AFF3: variants seen among roughly 807,000 people sequenced by gnomAD.
AFF3 encodes ALF transcription elongation factor 3, also known as AF4/FMR2 family member 3.
In AFF3, 32 loss-of-function variants were observed where a neutral mutation model predicts 129.7. The observed-to-expected ratio is 0.25, with a 90% confidence interval of 0.19 to 0.33. AFF3 has a LOEUF of 0.33. Among genes scored for constraint, AFF3 ranks in the 10% least tolerant of loss-of-function variants. The pLI is 1.00. For missense variants in AFF3, 1,373 were observed against 1,592.0 expected (o/e 0.86, Z 2.34); for synonymous variants, 644 against 635.4 (o/e 1.01, Z -0.20).
intron 4 of AFF3, among the ~76,000 whole-genome samples, chr2:100,052,995 T>C (rs78633727): frequency 0.16 from 24,699 of 152,162 alleles, 2,242 homozygotes; most frequent in East Asian, 0.29. Flanking sequence ...TGTGGGGAAA[T>C]GTGACAAGAG....
chr2:100,068,240 G>A (rs770772890), intron 4 of AFF3, among the ~76,000 whole-genome samples: 13 of 152,218 alleles, frequency 8.5e-5, no homozygotes, highest in Non-Finnish European at 1.5e-4. Context: ...ATTTAAATGT[G>A]TGTTATAAAC....
intron 10 of AFF3, among the ~76,000 whole-genome samples, chr2:99,740,795 C>T (rs952145326): frequency 6.6e-6 from 1 of 151,784 alleles, no homozygotes; most frequent in Non-Finnish European, 1.5e-5. Context: ...GTTTCTTTTG[C>T]TGTGCAGAAG....
chr2:100,073,635 C>A (rs990543667), intron 4 of AFF3, among the ~76,000 whole-genome samples: 1 of 152,310 alleles, frequency 6.6e-6, no homozygotes, highest in Non-Finnish European at 1.5e-5. Context: ...AAACACAGAG[C>A]ACCAAATAAC....
chr2:99,818,759 C>A (rs1687429470), intron 8 of AFF3, among the ~76,000 whole-genome samples: 1 of 152,126 alleles, frequency 6.6e-6, no homozygotes, highest in African/African-American at 2.4e-5. Flanking sequence ...ATTTTAAATT[C>A]TTTGTGAATT....
chr2:99,726,925 C>T, intron 11 of AFF3, 152 bp downstream of exon 11: 2 of 702,834 alleles, frequency 2.8e-6, no homozygotes, highest in East Asian at 3.0e-5. Flanking sequence ...TGCATCTGCA[C>T]CCAAAGCATT....
In AFF3 at chr2:99,952,969, G is replaced by A. The variant is rs142867741; in HGVS notation, c.873+53663C>T. ...GCTGTACTTACTCCGCTGAGTAAGA[G>A]GATTTAAGTGATAAGATAATACATG... On this transcript the variant is annotated intron_variant, in intron 7 of 24. Transcript: ENST00000672756. Among the ~76,000 whole-genome samples the A allele has an allele frequency of 1.4e-4, 21 of 152,318 alleles. No homozygotes were observed. The East Asian group carries it at 4.1e-3, about 29-fold the overall frequency.
At chr2:99,557,562 A>G (rs993585971) in intron 22 of AFF3, among the ~76,000 whole-genome samples, 54 of 152,250 alleles carry the variant, frequency 3.5e-4, no homozygotes, top group African/African-American at 1.3e-3. Flanking sequence ...TTCTTTATTC[A>G]AGCATTTTCC....
chr2:99,804,590 T>C (rs1390359202), intron 8 of AFF3, among the ~76,000 whole-genome samples: 2 of 152,226 alleles, frequency 1.3e-5, no homozygotes, highest in Non-Finnish European at 2.9e-5. Context: ...ACAGGGTATC[T>C]ATCCAAAGGA....
intron 15 of AFF3, 55 bp from the exon 16 acceptor site, chr2:99,587,333 G>A: frequency 6.2e-7 from 1 of 1,601,950 alleles, no homozygotes; most frequent in Non-Finnish European, 8.5e-7. Context: ...GGTATTATGA[G>A]TTCCCAGGCA....
At position 100,104,467 on chromosome 2, in the gene AFF3, C is replaced by G; in HGVS notation, c.-13G>C. 1 of 1,309,894 alleles carries G rather than the reference C, an allele frequency of 7.6e-7. No homozygotes were observed. The highest frequency in any genetic ancestry group is 9.9e-7 in the Non-Finnish European group (1 of 1,005,128). 81.1% of individuals were successfully genotyped at this position (1,309,894 alleles called of 1,614,324 possible). On this transcript the variant is annotated 5_prime_UTR_variant, in exon 4 of 25. Transcript: ENST00000672756. ...CGAAGCTGTCCATGGTGGGAGGTGT[C>G]AGCGTCGCCGCCGCCGCTACCGCCG...
At chr2:99,814,658 C>T (rs946143708) in intron 8 of AFF3, among the ~76,000 whole-genome samples, 6 of 152,168 alleles carry the variant, frequency 3.9e-5, no homozygotes, top group Admixed American at 3.9e-4. Flanking sequence ...CACACTAGCT[C>T]CGGCTCCTGG....
At chr2:99,986,373 G>A (rs974312442) in intron 7 of AFF3, among the ~76,000 whole-genome samples, 6 of 151,926 alleles carry the variant, frequency 3.9e-5, no homozygotes, top group Non-Finnish European at 8.8e-5. Context: ...TTATGACACT[G>A]TAATAGCAGT....
At chr2:100,141,609 C>G (rs1224195839) in intron 1 of AFF3, among the ~76,000 whole-genome samples, 1 of 152,154 alleles carries the variant, frequency 6.6e-6, no homozygotes, top group South Asian at 2.1e-4. Context: ...GAATGATCCC[C>G]TCTTTGAATA....
intron 12 of AFF3, 108 bp from the exon 13 acceptor site, chr2:99,649,774 T>C: frequency 1.6e-6 from 2 of 1,251,790 alleles, no homozygotes; most frequent in South Asian, 1.3e-5. Flanking sequence ...ATTTTTGCCA[T>C]GTGGCCAAAT....
At chr2:99,695,938 G>GAAAAAAAAAAAAAAAA (rs10719354) in intron 11 of AFF3, among the ~76,000 whole-genome samples, 4 of 57,648 alleles carry the variant, frequency 6.9e-5, no homozygotes, top group Non-Finnish European at 8.8e-5. Context: ...CTGGAAAAAT[G>GAAAAAAAAAAAAAAAA]AAAAAAAAAA....
At position 99,545,544 on chromosome 2, in the gene AFF3, A is replaced by AAAAAC. The variant is rs1559456435; in HGVS notation, c.*5925_*5929dup. Reference sequence around the variant, plus strand: ...CTTTCCTATTTTAAAAATGGGTAAAAAAAACAAAACAAAACAAAACCCAAG... The same window carrying AAAAAC: ...CTTTCCTATTTTAAAAATGGGTAAAAAAAACAAAACAAAACAAAACAAAACCCAAG... On this transcript the variant is annotated 3_prime_UTR_variant, in exon 25 of 25. Coordinates refer to ENST00000672756, the MANE Select transcript of AFF3 (RefSeq NM_001386135.1). 6.6e-6 allele frequency: 1 copy of AAAAAC among 152,384 alleles called. No individual in the cohort carries two copies. The highest frequency in any genetic ancestry group is 2.4e-5 in the African/African-American group (1 of 41,452). The allele number at this position is 152,384 out of a possible 1,614,324, so 9.4% of individuals were successfully genotyped here.
chr2:100,128,597 G>A (rs1692297043), intron 2 of AFF3, among the ~76,000 whole-genome samples: 1 of 152,142 alleles, frequency 6.6e-6, no homozygotes, highest in Admixed American at 6.5e-5. Flanking sequence ...CCCCAAGGAG[G>A]CTTTGAATGC....
At position 99,656,870 on chromosome 2, in the gene AFF3, G is replaced by A. The variant is rs188596297; in HGVS notation, c.1144-7204C>T. Among the ~76,000 whole-genome samples, 40 of 152,014 alleles carry A rather than the reference G, an allele frequency of 2.6e-4. 1 individual carries two copies. In the Middle Eastern group the frequency reaches 0.01, roughly 39 times the overall value. Reference sequence around the variant, plus strand: ...ATGCTGCCTAGGAAGCATTTTGTTCGGTCAACTTTGACCTCATCCCATTCT... The same window carrying A: ...ATGCTGCCTAGGAAGCATTTTGTTCAGTCAACTTTGACCTCATCCCATTCT... On this transcript the variant is annotated intron_variant, in intron 12 of 24. Transcript: ENST00000672756.
intron 18 of AFF3, 95 bp from the exon 19 acceptor site, chr2:99,569,010 T>A: frequency 1.6e-6 from 2 of 1,224,140 alleles, no homozygotes; most frequent in Non-Finnish European, 2.4e-6. Context: ...AGGCACAATT[T>A]AAAAACTCTG....
Sources: gnomAD v4.1 joint callset for allele counts (sites outside exome capture counted in the v4.1 genomes callset) on GRCh38, gnomAD v4.1.1 for gene constraint, MANE v1.5 for transcripts, NCBI Gene and HGNC (gene_info 2026-07-23, HGNC 2026-07-21) for gene names.